CCDC148: variants seen among roughly 807,000 people sequenced by gnomAD.
The protein encoded by CCDC148 is coiled-coil domain containing 148, also known as coiled-coil domain-containing protein 148.
A neutral mutation model predicts 85.7 loss-of-function variants in CCDC148; 89 were observed. The observed-to-expected ratio is 1.04, with a 90% CI of 0.87 to 1.24. The LOEUF (loss-of-function observed/expected upper bound fraction) is 1.24, where lower values mean the gene tolerates loss of function less well. Ranked by LOEUF, CCDC148 falls within the 50% of genes most tolerant of loss-of-function variation. The pLI, the probability that CCDC148 is intolerant of heterozygous loss-of-function variation, is 0.00. For missense variants in CCDC148, 692 were observed against 671.7 expected (o/e 1.03, Z -0.33); for synonymous variants, 230 against 213.9 (o/e 1.08, Z -0.66).
At chr2:158,447,376 T>A (rs1424600433) in intron 1 of CCDC148, 1 of 152,184 alleles carries the variant, frequency 6.6e-6, no homozygotes, top group Non-Finnish European at 1.5e-5. Context: ...TAGTGCACTA[T>A]AGCCCAGAAC....
At chr2:158,370,471 T>C (rs1684391937) in intron 1 of CCDC148, among the ~76,000 whole-genome samples, 1 of 152,106 alleles carries the variant, frequency 6.6e-6, no homozygotes, top group Non-Finnish European at 1.5e-5. Flanking sequence ...AAAGTTCTTT[T>C]GCTACTGACT....
intron 10 of CCDC148, among the ~76,000 whole-genome samples, chr2:158,239,544 T>G (rs1420277507): frequency 6.6e-6 from 1 of 150,780 alleles, no homozygotes; most frequent in Non-Finnish European, 1.5e-5. Context: ...GACCGTGTGC[T>G]CAGTCTCATG....
intron 7 of CCDC148, among the ~76,000 whole-genome samples, chr2:158,329,685 T>C (rs867517579): frequency 3.9e-5 from 6 of 152,120 alleles, no homozygotes; most frequent in Non-Finnish European, 8.8e-5. Flanking sequence ...TTTTATTTCA[T>C]TGAGCAGTGG....
chr2:158,227,468 T>C (rs1687608200), intron 10 of CCDC148, among the ~76,000 whole-genome samples: 2 of 152,112 alleles, frequency 1.3e-5, no homozygotes, highest in African/African-American at 4.8e-5. Context: ...TTGAAGTTCA[T>C]ATGGAACCAA....
At chr2:158,365,716 T>A (rs1684169779) in intron 1 of CCDC148, among the ~76,000 whole-genome samples, 1 of 152,100 alleles carries the variant, frequency 6.6e-6, no homozygotes, top group Non-Finnish European at 1.5e-5. Context: ...GATGACGGGT[T>A]GATGGGTGCA....
At chr2:158,310,646 G>A (rs1243043253) in intron 8 of CCDC148, among the ~76,000 whole-genome samples, 1 of 149,958 alleles carries the variant, frequency 6.7e-6, no homozygotes, top group Admixed American at 6.6e-5. Context: ...CCCAGACGGG[G>A]TCGTGGCCAG....
chr2:158,294,505 A>G lies in CCDC148; in HGVS notation c.1110+14928T>C, dbSNP rs147970672. 7.5e-3 allele frequency among the ~76,000 whole-genome samples: 1,145 copies of G among 152,270 alleles called. 17 individuals are homozygous for G. Among genetic ancestry groups the G allele is most frequent in the African/African-American group, 0.026 (1,101 of 41,560 alleles). On this transcript the variant is annotated intron_variant, in intron 9 of 13. Transcript: ENST00000283233. ...TTTAATAGTATAAGGAACTGCCAAAACAAGCCAAAATAGTAAAAAGAACTG... is the reference window on the plus strand; with the variant it reads ...TTTAATAGTATAAGGAACTGCCAAAGCAAGCCAAAATAGTAAAAAGAACTG...
chr2:158,449,216 A>T (rs1248561025), intron 1 of CCDC148, among the ~76,000 whole-genome samples: 1 of 152,146 alleles, frequency 6.6e-6, no homozygotes, highest in Non-Finnish European at 1.5e-5. Context: ...GTATTCTGTG[A>T]CCTTGTTAAA....
intron 9 of CCDC148, among the ~76,000 whole-genome samples, chr2:158,284,060 C>G (rs10211172): frequency 0.46 from 66,987 of 144,770 alleles, 15,705 homozygotes; most frequent in East Asian, 0.66. Flanking sequence ...CTCACTCATA[C>G]GTGGGAATTG....
intron 1 of CCDC148, among the ~76,000 whole-genome samples, chr2:158,375,263 A>G (rs902670658): frequency 6.6e-6 from 1 of 152,096 alleles, no homozygotes; most frequent in Admixed American, 6.6e-5. Flanking sequence ...GGCCAGCCTG[A>G]AATACCCAGT....
chr2:158,316,616 C>T (rs1029490308), intron 7 of CCDC148, among the ~76,000 whole-genome samples: 2 of 152,094 alleles, frequency 1.3e-5, no homozygotes, highest in East Asian at 1.9e-4. Context: ...TAAATACTCA[C>T]AATATTATTA....
chr2:158,327,943 GC>G lies in CCDC148; in HGVS notation c.764+10782del, dbSNP rs146002801. On this transcript the variant is annotated intron_variant, in intron 7 of 13. Coordinates refer to ENST00000283233, the MANE Select transcript of CCDC148 (RefSeq NM_138803.4). ...TTTCTTTCATGAGATCTTCTAGATG[GC>G]CACTGTTTATATATATGAAAGTTTG... Among the ~76,000 whole-genome samples, 1,463 of 151,900 alleles carry G rather than the reference GC, an allele frequency of 9.6e-3. 19 individuals carry two copies. Among genetic ancestry groups the G allele is most frequent in the African/African-American group, 0.033 (1,356 of 41,462 alleles).
chr2:158,314,673 A>G (rs770859999), intron 7 of CCDC148, among the ~76,000 whole-genome samples: 13 of 152,216 alleles, frequency 8.5e-5, no homozygotes, highest in Admixed American at 4.6e-4. Context: ...AACTGAATTA[A>G]TATCTTTTTA....
chr2:158,397,600 G>C (rs996145388), intron 1 of CCDC148, among the ~76,000 whole-genome samples: 7 of 152,064 alleles, frequency 4.6e-5, no homozygotes, highest in Non-Finnish European at 1.0e-4. Context: ...GTCACCACCA[G>C]ACCTGCCTTA....
At chr2:158,259,894 G>T (rs1408889455) in intron 9 of CCDC148, among the ~76,000 whole-genome samples, 1 of 151,804 alleles carries the variant, frequency 6.6e-6, no homozygotes, top group Non-Finnish European at 1.5e-5. Flanking sequence ...TACCCTTCAA[G>T]GTCATTCAGT....
chr2:158,262,123 A>G (rs1689256036), intron 9 of CCDC148, among the ~76,000 whole-genome samples: 1 of 152,168 alleles, frequency 6.6e-6, no homozygotes, highest in Admixed American at 6.6e-5. Context: ...AATGCCTACC[A>G]ATGACAGATT....
At chr2:158,255,591 A>T (rs1311691455) in intron 9 of CCDC148, among the ~76,000 whole-genome samples, 1 of 151,768 alleles carries the variant, frequency 6.6e-6, no homozygotes, top group African/African-American at 2.4e-5. Context: ...GGTGGGCAAA[A>T]GAATCAATAT....
intron 1 of CCDC148, among the ~76,000 whole-genome samples, chr2:158,434,442 A>G (rs997516545): frequency 2.6e-5 from 4 of 152,214 alleles, no homozygotes; most frequent in African/African-American, 9.6e-5. Flanking sequence ...ACAAACAGAA[A>G]GGACATCCAC....
At chr2:158,267,345 C>T (rs1334117579) in intron 9 of CCDC148, among the ~76,000 whole-genome samples, 1 of 152,142 alleles carries the variant, frequency 6.6e-6, no homozygotes, top group Non-Finnish European at 1.5e-5. Flanking sequence ...AGCATCTCTT[C>T]CTCTGTAATG....
Sources: allele counts gnomAD v4.1 joint callset (sites outside exome capture counted in the v4.1 genomes callset), GRCh38; gene constraint gnomAD v4.1.1; transcripts MANE v1.5; gene names NCBI Gene and HGNC (gene_info 2026-07-23, HGNC 2026-07-21).